The following STXBP5L variants were observed in gnomAD, a reference collection of about 807,000 sequenced individuals.
STXBP5L encodes the protein syntaxin binding protein 5L, also known as syntaxin-binding protein 5-like.
A neutral mutation model predicts 144.5 loss-of-function variants in STXBP5L; 65 were observed. That is an observed-to-expected ratio of 0.45 (90% CI 0.37 to 0.55). The LOEUF is 0.55. Ranked by LOEUF, STXBP5L falls within the 20% of genes least tolerant of loss-of-function variation. The pLI, the probability that STXBP5L is intolerant of heterozygous loss-of-function variation, is 0.00. For synonymous variants in STXBP5L, 505 were observed against 469.6 expected (o/e 1.08, Z -0.97); for missense variants, 1,298 against 1,405.5 (o/e 0.92, Z 1.22).
intron 5 of STXBP5L, among the ~76,000 whole-genome samples, chr3:121,088,387 AT>A (rs2042602888): frequency 8.7e-6 from 1 of 115,434 alleles, no homozygotes; most frequent in South Asian, 3.1e-4. Context: ...CAAAACCACT[AT>A]GAGATATCAT....
chr3:121,035,013 T>G (rs1391441719), intron 3 of STXBP5L, among the ~76,000 whole-genome samples: 2 of 152,148 alleles, frequency 1.3e-5, no homozygotes, highest in Non-Finnish European at 2.9e-5. Context: ...TTTGTAGGTC[T>G]TTGTTTGGAA....
intron 2 of STXBP5L, among the ~76,000 whole-genome samples, chr3:120,933,507 T>C (rs915058705): frequency 7.9e-5 from 12 of 152,148 alleles, no homozygotes; most frequent in Non-Finnish European, 1.6e-4. Context: ...TAAAATAATA[T>C]CTTTAACAAA....
chr3:120,913,046 A>G (rs1708926770), intron 2 of STXBP5L, among the ~76,000 whole-genome samples: 1 of 151,888 alleles, frequency 6.6e-6, no homozygotes, highest in African/African-American at 2.4e-5. Context: ...GACCACTGCC[A>G]CCTCAACTAC....
intron 5 of STXBP5L, among the ~76,000 whole-genome samples, chr3:121,079,067 C>T (rs1024077804): frequency 7.9e-5 from 12 of 152,256 alleles, no homozygotes; most frequent in South Asian, 2.1e-4. Context: ...GCAGAGGAGG[C>T]GCCCAGAGCG....
intron 14 of STXBP5L, among the ~76,000 whole-genome samples, chr3:121,245,411 A>G (rs2049816956): frequency 6.6e-6 from 1 of 151,756 alleles, no homozygotes; most frequent in East Asian, 1.9e-4. Context: ...AAATAACCAC[A>G]TAACATATAG....
intron 19 of STXBP5L, among the ~76,000 whole-genome samples, chr3:121,291,170 G>T (rs2051424921): frequency 6.6e-6 from 1 of 151,970 alleles, no homozygotes; most frequent in African/African-American, 2.4e-5. Context: ...CATCCAAAAA[G>T]CACATGGATC....
At chr3:121,100,300 C>G (rs142978868) in intron 5 of STXBP5L, among the ~76,000 whole-genome samples, 1 of 152,142 alleles carries the variant, frequency 6.6e-6, no homozygotes, top group Non-Finnish European at 1.5e-5. Flanking sequence ...GATACTCACT[C>G]TTGTCTTCTG....
chr3:121,003,518 T>C (rs558810532), intron 3 of STXBP5L, among the ~76,000 whole-genome samples: 69 of 152,336 alleles, frequency 4.5e-4, no homozygotes, highest in Non-Finnish European at 6.5e-4. Context: ...TTCACTCTGA[T>C]GGTAGTTTCT....
chr3:120,936,888 A>G (rs904241313), intron 2 of STXBP5L, among the ~76,000 whole-genome samples: 1 of 152,044 alleles, frequency 6.6e-6, no homozygotes, highest in African/African-American at 2.4e-5. Context: ...TAGGAGCCCT[A>G]TTGATGTGGT....
chr3:121,107,622 G>A (rs1325299269), intron 5 of STXBP5L, among the ~76,000 whole-genome samples: 4 of 152,106 alleles, frequency 2.6e-5, no homozygotes, highest in African/African-American at 9.7e-5. Context: ...TAGCCTTGTG[G>A]TATAGCTTGA....
chr3:120,958,545 G>C (rs996637083), intron 3 of STXBP5L, among the ~76,000 whole-genome samples: 6 of 152,076 alleles, frequency 3.9e-5, no homozygotes, highest in African/African-American at 9.7e-5. Context: ...ATATCAAAAA[G>C]CTTATCCACC....
At chr3:121,392,806 T>TGC (rs1560050894) in intron 22 of STXBP5L, among the ~76,000 whole-genome samples, 6 of 139,068 alleles carry the variant, frequency 4.3e-5, no homozygotes, top group Non-Finnish European at 9.3e-5. Flanking sequence ...TATATATATA[T>TGC]ATCACATTTT....
In STXBP5L at chr3:121,130,379, G is replaced by A. The variant is rs558765006; in HGVS notation, c.669+8675G>A. Among the ~76,000 whole-genome samples the A allele has an allele frequency of 3.3e-4, 50 of 152,128 alleles. No individual in the cohort carries two copies. The South Asian group carries it at 0.01, about 31-fold the overall frequency. ...ATTATATTCACTGAGTCATAAAATT[G>A]GGTGGGAGACATGGTATATTTAGGA... On this transcript the variant is annotated intron_variant, in intron 7 of 26. Transcript: ENST00000471454.
At chr3:121,085,557 G>A (rs2042447757) in intron 5 of STXBP5L, among the ~76,000 whole-genome samples, 1 of 152,128 alleles carries the variant, frequency 6.6e-6, no homozygotes, top group Non-Finnish European at 1.5e-5. Context: ...GCCAAATCAT[G>A]AATGAACTCC....
chr3:120,931,705 C>T (rs531487706), intron 2 of STXBP5L, among the ~76,000 whole-genome samples: 141 of 152,056 alleles, frequency 9.3e-4, no homozygotes, highest in Non-Finnish European at 1.7e-3. Context: ...TTGTATTGGT[C>T]GATTTGCAGC....
chr3:121,052,403 A>G, intron 5 of STXBP5L, among the ~76,000 whole-genome samples: 1 of 152,216 alleles, frequency 6.6e-6, no homozygotes, highest in Non-Finnish European at 1.5e-5. Flanking sequence ...CACCATGATC[A>G]AGTGGGCTTC....
intron 14 of STXBP5L, among the ~76,000 whole-genome samples, chr3:121,250,509 A>G (rs1253399404): frequency 6.6e-6 from 1 of 152,000 alleles, no homozygotes; most frequent in Non-Finnish European, 1.5e-5. Flanking sequence ...CTAAGGAATT[A>G]TTGTTCTTTT....
chr3:121,257,912 G>C (rs534299041), intron 17 of STXBP5L, among the ~76,000 whole-genome samples: 1 of 152,036 alleles, frequency 6.6e-6, no homozygotes, highest in Non-Finnish European at 1.5e-5. Flanking sequence ...GTGACAGTAA[G>C]ACCCTGTCTC....
chr3:121,349,208 G>A (rs1212626737), intron 20 of STXBP5L, among the ~76,000 whole-genome samples: 1 of 152,036 alleles, frequency 6.6e-6, no homozygotes, highest in African/African-American at 2.4e-5. Flanking sequence ...CCTTCATTTT[G>A]TTATGTACCC....
Sources: gnomAD v4.1 joint callset for allele counts (sites outside exome capture counted in the v4.1 genomes callset) on GRCh38, gnomAD v4.1.1 for gene constraint, MANE v1.5 for transcripts, NCBI Gene and HGNC (gene_info 2026-07-23, HGNC 2026-07-21) for gene names.